The following KANK1 variants were observed in gnomAD, a reference collection of about 807,000 sequenced individuals.
The protein encoded by KANK1 is KN motif and ankyrin repeat domains 1, also known as KN motif and ankyrin repeat domain-containing protein 1.
KANK1 carries 109 observed loss-of-function variants against 106.2 expected under a neutral mutation model. That is an observed-to-expected ratio of 1.03 (90% confidence interval 0.88 to 1.20). The LOEUF is 1.20. KANK1 is among the 50% of genes most tolerant of loss of function. The pLI is 0.00. For synonymous variants in KANK1, 873 were observed against 652.2 expected (o/e 1.34, Z -5.16); for missense variants, 2,399 against 1,710.7 (o/e 1.40, Z -7.10).
At chr9:727,099 C>T (rs906275192) in intron 3 of KANK1, among the ~76,000 whole-genome samples, 1 of 152,142 alleles carries the variant, frequency 6.6e-6, no homozygotes, top group Non-Finnish European at 1.5e-5. Context: ...ATATAGAATT[C>T]CTCTGTATAA....
rs1399556909 is a variant in KANK1 at position 711,806 on chromosome 9, T to C, written c.1040T>C (p.Ile347Thr). Reference sequence around the variant, plus strand: ...CGAAGAAGTGGCGGGGAATTATACATTGACTATGAGGAGGAAGAAATGGAG... The same window carrying C: ...CGAAGAAGTGGCGGGGAATTATACACTGACTATGAGGAGGAAGAAATGGAG... ...RARRSGGELY[I>T]DYEEEEMETV... Residue 347 changes from isoleucine to threonine, a missense_variant, in exon 3 of 12, where the codon ATT becomes ACT. Transcript: ENST00000382297. 6 of 1,613,814 alleles carry C rather than the reference T, an allele frequency of 3.7e-6. No individual in the cohort carries two copies. The Admixed American group carries it at 5.0e-5, about 13-fold the overall frequency.
At chr9:672,608 C>A (rs142074863) in intron 1 of KANK1, among the ~76,000 whole-genome samples, 1 of 152,276 alleles carries the variant, frequency 6.6e-6, no homozygotes, top group African/African-American at 2.4e-5. Context: ...GATAGTTTAG[C>A]AGTGCTAGAG....
intron 1 of KANK1, among the ~76,000 whole-genome samples, chr9:578,528 ATATATC>A (rs1036808790): frequency 2.6e-5 from 4 of 152,096 alleles, no homozygotes; most frequent in Non-Finnish European, 5.9e-5. Flanking sequence ...TAAAAACTAA[ATATATC>A]TATTCTAATT....
chr9:519,117 C>G (rs2059434495), intron 1 of KANK1, among the ~76,000 whole-genome samples: 1 of 151,558 alleles, frequency 6.6e-6, no homozygotes, highest in Non-Finnish European at 1.5e-5. Context: ...CTCAAACTCC[C>G]AACCTCAGGT....
intron 1 of KANK1, among the ~76,000 whole-genome samples, chr9:536,305 G>A (rs1301512367): frequency 6.6e-6 from 1 of 152,286 alleles, no homozygotes; most frequent in East Asian, 1.9e-4. Flanking sequence ...TTATGCCACT[G>A]CACTCCAACT....
chr9:692,881 G>T (rs76594859), intron 2 of KANK1, among the ~76,000 whole-genome samples: 2 of 152,226 alleles, frequency 1.3e-5, no homozygotes, highest in East Asian at 3.9e-4. Context: ...GCTGAGCATG[G>T]TGTCGTGCTA....
In KANK1 at chr9:744,680, T is replaced by G. The variant is rs773855631; in HGVS notation, c.3996+91T>G. ...TCCAGGAATTGACGGGAGACAGATT[T>G]TATGTTGATTCAGAAAATGGAAGTT... On this transcript the variant is annotated intron_variant, in intron 11 of 11. Coordinates refer to ENST00000382297, the MANE Select transcript of KANK1 (RefSeq NM_015158.5). 6.2e-6 allele frequency: 10 copies of G among 1,606,686 alleles called. No homozygotes were observed. The African/African-American group carries it at 1.2e-4, about 19-fold the overall frequency.
At chr9:658,289 A>G (rs1033362922) in intron 1 of KANK1, among the ~76,000 whole-genome samples, 10 of 152,216 alleles carry the variant, frequency 6.6e-5, no homozygotes, top group East Asian at 1.9e-4. Context: ...AAACCCATCA[A>G]TGACTTTTAA....
At chr9:738,226 A>T in intron 7 of KANK1, 59 bp from the exon 8 acceptor site, 1 of 1,399,838 alleles carries the variant, frequency 7.1e-7, no homozygotes, top group South Asian at 1.3e-5. Context: ...TTGTGCTTTC[A>T]ACTAGGTCTC....
chr9:554,859 T>G (rs897330989), intron 1 of KANK1, among the ~76,000 whole-genome samples: 19 of 152,294 alleles, frequency 1.2e-4, no homozygotes, highest in Admixed American at 1.2e-3. Context: ...AAAAACGAGA[T>G]CTTTCGTGGC....
intron 1 of KANK1, among the ~76,000 whole-genome samples, chr9:522,072 TG>T (rs1407518244): frequency 6.6e-6 from 1 of 151,742 alleles, no homozygotes; most frequent in Non-Finnish European, 1.5e-5. Flanking sequence ...GGAAAATGTT[TG>T]ATTTGTTGAA....
chr9:642,801 A>T lies in KANK1; in HGVS notation c.-83-34089A>T, dbSNP rs183785429. Among the ~76,000 whole-genome samples the T allele has an allele frequency of 6.0e-5, 9 of 149,342 alleles. No homozygotes were observed. In the East Asian group the frequency reaches 1.7e-3, roughly 29 times the overall value. ...TCTATCTAGTGAGCTGCTTCTATAG[A>T]TGGAAGAAAGTTAGTCCTTCCTTTT... On this transcript the variant is annotated intron_variant, in intron 1 of 11. Coordinates refer to ENST00000382297, the MANE Select transcript of KANK1 (RefSeq NM_015158.5).
chr9:572,447 G>A (rs1015086756), intron 1 of KANK1, among the ~76,000 whole-genome samples: 5 of 152,074 alleles, frequency 3.3e-5, no homozygotes, highest in Admixed American at 2.6e-4. Context: ...AGCTACTCGG[G>A]AAGCTGAGAC....
At chr9:612,720 C>G (rs1234205391) in intron 1 of KANK1, among the ~76,000 whole-genome samples, 2 of 152,162 alleles carry the variant, frequency 1.3e-5, no homozygotes, top group Non-Finnish European at 2.9e-5. Context: ...AGCCGGACAT[C>G]TCAGGCGGCC....
intron 3 of KANK1, among the ~76,000 whole-genome samples, chr9:725,496 CAA>C (rs34245303): frequency 1.5e-4 from 17 of 116,824 alleles, no homozygotes; most frequent in Admixed American, 1.9e-4. Context: ...GACTCTGTCT[CAA>C]AAAAAAAAAA....
At chr9:597,661 T>A (rs867115991) in intron 1 of KANK1, among the ~76,000 whole-genome samples, 7 of 151,520 alleles carry the variant, frequency 4.6e-5, no homozygotes, top group Non-Finnish European at 8.8e-5. Flanking sequence ...TCTTTTTTTT[T>A]AATTTTTATT....
Position 740,726 on chromosome 9 carries a change from CT to C in KANK1, c.3554-64del, listed in dbSNP as rs376012609. The C allele has an allele frequency of 4.4e-3, 6,778 of 1,546,004 alleles. 27 individuals carry two copies. Among genetic ancestry groups the C allele is most frequent in the Non-Finnish European group, 5.3e-3 (6,035 of 1,142,558 alleles). The stretch of plus-strand genomic sequence containing the variant: ...CCTGTAAACACCATCCCTTCAGTGG[CT>C]TCGTAAGCGGCTGCTATTAGAAGGG... On this transcript the variant is annotated intron_variant, in intron 8 of 11. Transcript: ENST00000382297.
intron 2 of KANK1, among the ~76,000 whole-genome samples, chr9:679,531 C>T (rs1423937350): frequency 6.6e-6 from 1 of 152,122 alleles, no homozygotes. Context: ...TCTTGTGCCT[C>T]AGCCTCCCAC....
chr9:676,868 G>A, intron 1 of KANK1, 22 bp from the exon 2 acceptor site: 1 of 811,302 alleles, frequency 1.2e-6, no homozygotes, highest in Admixed American at 2.2e-5. Context: ...CCATTTTGAT[G>A]GGGCTCTCTT....
Sources: gnomAD v4.1 joint callset for allele counts (sites outside exome capture counted in the v4.1 genomes callset) on GRCh38, gnomAD v4.1.1 for gene constraint, MANE v1.5 for transcripts, NCBI Gene and HGNC (gene_info 2026-07-23, HGNC 2026-07-21) for gene names.